Variants in CDHR2 observed in about 807,000 individuals in gnomAD.
CDHR2 encodes the protein cadherin related family member 2.
A neutral mutation model predicts 138.6 loss-of-function variants in CDHR2; 104 were observed. The observed-to-expected ratio is 0.75, with a 90% CI of 0.64 to 0.88. The LOEUF (loss-of-function observed/expected upper bound fraction) is 0.88, where lower values mean the gene tolerates loss of function less well. Among genes scored for constraint, CDHR2 ranks in the 40% least tolerant of loss-of-function variants. The pLI is 0.00. For missense variants in CDHR2, 1,624 were observed against 1,727.6 expected (o/e 0.94, Z 1.06); for synonymous variants, 755 against 742.8 (o/e 1.02, Z -0.27).
rs527258234 is a variant in CDHR2 at position 176,552,483 on chromosome 5, G to A, written c.-16+3069G>A. ...AAGACCCAGGACCTCCAAGGACCTC[G>A]CCTGTCAGGCTGAGGGGCAGGCAGT... On this transcript the variant is annotated intron_variant, in intron 1 of 31. Transcript: ENST00000261944. Among the ~76,000 whole-genome samples the A allele has an allele frequency of 6.6e-5, 10 of 152,344 alleles. No individual in the cohort carries two copies. In the East Asian group the frequency reaches 1.3e-3, roughly 21 times the overall value.
At chr5:176,591,176 G>A in intron 28 of CDHR2, 34 bp from the exon 29 acceptor site, 2 of 1,443,616 alleles carry the variant, frequency 1.4e-6, no homozygotes, top group Non-Finnish European at 1.9e-6. Context: ...CAGGTGTGCA[G>A]CAACAGTGTG....
At chr5:176,594,699 T>C (rs942333871) in intron 31 of CDHR2, among the ~76,000 whole-genome samples, 2 of 152,168 alleles carry the variant, frequency 1.3e-5, no homozygotes, top group African/African-American at 2.4e-5. Flanking sequence ...TGTTCCACTG[T>C]TTACTAGGGA....
intron 30 of CDHR2, among the ~76,000 whole-genome samples, 190 bp from the exon 31 acceptor site, chr5:176,592,533 T>TGG (rs1561883736): frequency 2.7e-4 from 34 of 128,022 alleles, no homozygotes; most frequent in Admixed American, 1.7e-3. Flanking sequence ...GGTGGTGGTG[T>TGG]TGGTGTTGAG....
chr5:176,553,359 T>G lies in CDHR2; in HGVS notation c.-16+3945T>G, dbSNP rs1191802739. On this transcript the variant is annotated intron_variant, in intron 1 of 31. Coordinates refer to ENST00000261944, the MANE Select transcript of CDHR2 (RefSeq NM_017675.6). This position sits in a 1 kb window ranked among gnomAD's most constrained non-coding sequence, Gnocchi z 4.3. ...CTAAATGGTAATGGGGGCAAAGTGC[T>G]AGCCTCGGTACACGGCCCTTCCTTG... Among the ~76,000 whole-genome samples the G allele has an allele frequency of 2.0e-5, 3 of 152,160 alleles. No homozygotes were observed. The highest frequency in any genetic ancestry group is 7.2e-5 in the African/African-American group (3 of 41,426).
At chr5:176,585,821 A>AGGCTGCGGGGCACG in intron 19 of CDHR2, 133 bp from the exon 20 acceptor site, 1 of 662,834 alleles carries the variant, frequency 1.5e-6, no homozygotes, top group South Asian at 1.7e-5. Context: ...TGCGGGGCAC[A>AGGCTGCGGGGCACG]GGGTTGAGGC....
intron 7 of CDHR2, among the ~76,000 whole-genome samples, chr5:176,574,411 C>G (rs890703543): frequency 2.0e-5 from 3 of 152,168 alleles, no homozygotes; most frequent in Non-Finnish European, 4.4e-5. Flanking sequence ...GCTCCCAGGT[C>G]TTGTCCAAAT....
rs752881100 is a variant in CDHR2, at chr5:176,591,221, A to G, written c.3551A>G (p.Lys1184Arg). The G allele has an allele frequency of 6.2e-7, 1 of 1,612,986 alleles. No homozygotes were observed. Among genetic ancestry groups the G allele is most frequent in the East Asian group, 2.2e-5 (1 of 44,880 alleles). The change falls in exon 29 of 32, where the codon AAG (lysine) becomes AGG (arginine). Residue 1184 changes from lysine (K) to arginine (R), a missense_variant. Lys to Arg is a conservative substitution (Grantham distance 26). Transcript: ENST00000261944. ...FVCVRKSYNR[K>R]LQAMKAAKEA... ...CCGGTTCCCCACAGCTACAACCGGA[A>G]GCTTCAAGCTATGAAGGCTGCCAAG...
Position 176,584,695 on chromosome 5 carries a change from C to G in CDHR2, c.2414C>G (p.Pro805Arg). ...AATGTGAAAGACGTGAACGACAATCCCCCCACCCTGGATGTAGCCTCACTC... is the reference window on the plus strand; with the variant it reads ...AATGTGAAAGACGTGAACGACAATCGCCCCACCCTGGATGTAGCCTCACTC... ...CVNVKDVNDN[P>R]PTLDVASLRG... Residue 805 changes from proline to arginine, a missense_variant, in exon 19 of 32, where the codon CCC (proline) becomes CGC (arginine). Coordinates refer to ENST00000261944, the MANE Select transcript of CDHR2 (RefSeq NM_017675.6). The G allele has an allele frequency of 6.2e-7, 1 of 1,614,126 alleles. No individual in the cohort carries two copies. The highest frequency in any genetic ancestry group is 8.5e-7 in the Non-Finnish European group (1 of 1,180,002).
chr5:176,586,840 C>T lies in CDHR2; in HGVS notation c.2854C>T (p.Arg952Trp), dbSNP rs750643573. The change falls in exon 21 of 32, where the codon CGG (arginine) becomes TGG (tryptophan). Residue 952 changes from arginine to tryptophan, a missense_variant and splice_region_variant. Physicochemically the swap from Arg to Trp is moderately radical, Grantham distance 101. Around this residue, in one of 3 missense-constraint regions of CDHR2, gnomAD observed 556 missense variants for 565.7 expected, o/e 0.98. Transcript: ENST00000261944. The stretch of plus-strand genomic sequence containing the variant: ...GCCCAACCGGGAGGTGGCTTCTGTC[C>T]GGGTAAGTTCTTGGCTCCAGCCTTT... ...VLPNREVASV[R>W]ARDDDSGNNG... 46 of 1,608,624 alleles carry T rather than the reference C, an allele frequency of 2.9e-5. No homozygotes were observed. Among genetic ancestry groups the T allele is most frequent in the East Asian group, 1.1e-4 (5 of 44,824 alleles).
chr5:176,584,462 CAA>C lies in CDHR2; in HGVS notation c.2182_2183del (p.Asn728ProfsTer27), dbSNP rs1451673876. On this transcript the variant is annotated frameshift_variant, in exon 19 of 32. Transcript: ENST00000261944. LOFTEE classifies it high-confidence loss of function. ...AWDADQTEANNRISFSLSGSG... is the reference protein window; with the variant it reads ...AWDADQTEANXRISFSLSGSG... ...GGGACGCGGACCAGACGGAAGCCAA[CAA>C]CCGCATCAGCTTCAGCCTGTCGGGG... 5 of 1,608,570 alleles carry C rather than the reference CAA, an allele frequency of 3.1e-6. No individual in the cohort carries two copies. In the East Asian group the frequency reaches 1.1e-4, roughly 36 times the overall value.
chr5:176,591,043 T>G (rs1008784659), intron 28 of CDHR2, among the ~76,000 whole-genome samples, 167 bp from the exon 29 acceptor site: 1 of 152,238 alleles, frequency 6.6e-6, no homozygotes, highest in African/African-American at 2.4e-5. Flanking sequence ...CACTGGCTAT[T>G]TGACCTTTGG....
intron 1 of CDHR2, among the ~76,000 whole-genome samples, chr5:176,555,826 G>T (rs892368051): frequency 6.6e-6 from 1 of 152,082 alleles, no homozygotes; most frequent in African/African-American, 2.4e-5. Context: ...GGTTGAACCC[G>T]GGAGGCAGAG....
At chr5:176,577,825 G>A (rs1182949360) in intron 14 of CDHR2, 27 bp downstream of exon 14, 1 of 1,611,810 alleles carries the variant, frequency 6.2e-7, no homozygotes, top group Middle Eastern at 1.7e-4. Context: ...CAGTGGGGCT[G>A]TGGGGTCCCA....
At chr5:176,577,166 C>T (rs1198108463) in intron 12 of CDHR2, among the ~76,000 whole-genome samples, 2 of 152,070 alleles carry the variant, frequency 1.3e-5, no homozygotes, top group African/African-American at 4.8e-5. Context: ...GTCCAGGCTC[C>T]AGCCCAGGTC....
In CDHR2 at chr5:176,553,421, C is replaced by G. The variant is rs1757753291; in HGVS notation, c.-16+4007C>G. Among the ~76,000 whole-genome samples the G allele has an allele frequency of 6.6e-6, 1 of 152,100 alleles. No individual in the cohort carries two copies. The highest frequency in any genetic ancestry group is 2.4e-5 in the African/African-American group (1 of 41,406). On this transcript the variant is annotated intron_variant, in intron 1 of 31. Transcript: ENST00000261944. The surrounding 1 kb of genome is among the most constrained non-coding windows in gnomAD (Gnocchi z 4.3). ...TTTCCTCTGGGACTGGGAGGAGGGA[C>G]CCTGAGGGCAGGAATCTCCTGTCCT...
In CDHR2 at chr5:176,558,110, C is replaced by T. The variant is rs141170565; in HGVS notation, c.-15-7228C>T. Among the ~76,000 whole-genome samples, 256 of 152,190 alleles carry T rather than the reference C, an allele frequency of 1.7e-3. 2 individuals are homozygous for T. Among genetic ancestry groups the T allele is most frequent in the African/African-American group, 6.0e-3 (250 of 41,516 alleles). ...GGTTGTAGTCCATCGACCATGGGAA[C>T]GGGACCCCCTGAGCCACTGGCGTAT... is the stretch of plus-strand genomic sequence containing the variant. On this transcript the variant is annotated intron_variant, in intron 1 of 31. Transcript: ENST00000261944.
At position 176,562,683 on chromosome 5, in the gene CDHR2, G is replaced by A. The variant is rs1757992183; in HGVS notation, c.-15-2655G>A. Reference sequence around the variant, plus strand: ...TCTAGAAAAAGAGAGGGGACCATGTGCAGGTGGCCATCCCTCCGGCCAAGA... The same window carrying A: ...TCTAGAAAAAGAGAGGGGACCATGTACAGGTGGCCATCCCTCCGGCCAAGA... On this transcript the variant is annotated intron_variant, in intron 1 of 31. Transcript: ENST00000261944. Among the ~76,000 whole-genome samples the A allele has an allele frequency of 2.0e-5, 3 of 152,294 alleles. No individual in the cohort carries two copies. In the South Asian group the frequency reaches 6.2e-4, roughly 32 times the overall value.
At chr5:176,559,981 T>C (rs550150262) in intron 1 of CDHR2, among the ~76,000 whole-genome samples, 2 of 152,130 alleles carry the variant, frequency 1.3e-5, no homozygotes, top group Non-Finnish European at 2.9e-5. Flanking sequence ...TTGGTTTGCA[T>C]AGGAGAGGCA....
At chr5:176,551,334 AT>A in intron 1 of CDHR2, among the ~76,000 whole-genome samples, 1 of 152,056 alleles carries the variant, frequency 6.6e-6, no homozygotes, top group East Asian at 1.9e-4. Context: ...TGCCTGGCTA[AT>A]TTTTGTATTT....
Sources: gnomAD v4.1 joint callset for allele counts (sites outside exome capture counted in the v4.1 genomes callset) on GRCh38, gnomAD v4.1.1 for gene constraint, gnomAD v4.1.1 regional missense constraint, Gnocchi (gnomAD v3.1) non-coding constraint, MANE v1.5 for transcripts, NCBI Gene and HGNC (gene_info 2026-07-23, HGNC 2026-07-21) for gene names.